Variants in SHISA9 observed in about 807,000 individuals in gnomAD.
SHISA9 encodes the protein shisa family member 9.
SHISA9 carries 13 observed loss-of-function variants against 38.0 expected under a neutral mutation model. The ratio of observed to expected loss-of-function variants is 0.34; its 90% CI spans 0.22 to 0.54. The LOEUF (loss-of-function observed/expected upper bound fraction) is 0.54. SHISA9 is among the 20% of genes least tolerant of loss of function. SHISA9 has a pLI of 0.91. For missense variants in SHISA9, 538 were observed against 575.8 expected (o/e 0.93, Z 0.67); for synonymous variants, 275 against 242.0 (o/e 1.14, Z -1.27).
At chr16:12,916,009 G>GC (rs1567337845) in intron 1 of SHISA9, among the ~76,000 whole-genome samples, 9 of 102,284 alleles carry the variant, frequency 8.8e-5, no homozygotes, top group African/African-American at 3.1e-4. Context: ...GTGTGTGTGT[G>GC]TGTTTTTTTT....
chr16:13,538,126 G>A, the SHISA9 span, among the ~76,000 whole-genome samples: 234 of 152,286 alleles, frequency 1.5e-3, 2 homozygotes, highest in African/African-American at 5.5e-3. Context: ...CTACTAGAAA[G>A]AGTAGTGAAA....
intron 2 of SHISA9, among the ~76,000 whole-genome samples, chr16:13,159,219 A>G (rs1250605127): frequency 6.6e-6 from 1 of 152,240 alleles, no homozygotes; most frequent in Non-Finnish European, 1.5e-5. Context: ...TGAAAGTTAC[A>G]TAAATTAACA....
intron 2 of SHISA9, among the ~76,000 whole-genome samples, chr16:13,183,779 T>C (rs1264524758): frequency 6.6e-6 from 1 of 152,222 alleles, no homozygotes; most frequent in Non-Finnish European, 1.5e-5. Context: ...ATCTAATTGC[T>C]CTCTTGGCTC....
chr16:13,062,795 G>A (rs577053972), intron 2 of SHISA9, among the ~76,000 whole-genome samples: 18 of 152,202 alleles, frequency 1.2e-4, no homozygotes, highest in African/African-American at 3.6e-4. Context: ...TTTTAAAACT[G>A]TTGCATTTGA....
At chr16:12,950,328 G>A (rs2071738304) in intron 2 of SHISA9, among the ~76,000 whole-genome samples, 1 of 152,102 alleles carries the variant, frequency 6.6e-6, no homozygotes, top group African/African-American at 2.4e-5. Context: ...TATAAACAAG[G>A]GAGTGCATAT....
chr16:13,005,286 T>C (rs1035115150), intron 2 of SHISA9, among the ~76,000 whole-genome samples: 2 of 152,156 alleles, frequency 1.3e-5, no homozygotes, highest in African/African-American at 4.8e-5. Context: ...CCTGGAGATT[T>C]AAATTTGAGA....
intron 4 of SHISA9, among the ~76,000 whole-genome samples, chr16:13,217,337 C>T (rs989596917): frequency 2.6e-5 from 4 of 152,162 alleles, no homozygotes; most frequent in Non-Finnish European, 5.9e-5. Context: ...AAGACACCAT[C>T]TCAAGACCAG....
the SHISA9 span, among the ~76,000 whole-genome samples, chr16:13,556,287 C>G: frequency 6.6e-6 from 1 of 152,166 alleles, no homozygotes. Context: ...GGTTATATGA[C>G]TTGCCCAAGT....
At chr16:12,950,090 G>C (rs938370616) in intron 2 of SHISA9, among the ~76,000 whole-genome samples, 1 of 151,928 alleles carries the variant, frequency 6.6e-6, no homozygotes, top group Non-Finnish European at 1.5e-5. Context: ...AACTTTTTTC[G>C]TTCCTACATA....
chr16:12,909,063 T>C, intron 1 of SHISA9: 1 of 994,840 alleles, frequency 1.0e-6, no homozygotes, highest in Non-Finnish European at 1.2e-6. Flanking sequence ...TATGCATTTG[T>C]GGTTATCCTA....
chr16:12,907,173 C>T (rs964789079), intron 1 of SHISA9, among the ~76,000 whole-genome samples: 1 of 120,866 alleles, frequency 8.3e-6, no homozygotes, highest in Non-Finnish European at 1.7e-5. Context: ...CTCCATCCCC[C>T]TTCCACCCTT....
chr16:13,479,076 A>G, the SHISA9 span, among the ~76,000 whole-genome samples: 2 of 152,208 alleles, frequency 1.3e-5, no homozygotes, highest in African/African-American at 4.8e-5. Flanking sequence ...TCCTACTGGA[A>G]GAATCCCATT....
the SHISA9 span, among the ~76,000 whole-genome samples, chr16:13,509,827 T>G: frequency 1.8e-4 from 28 of 152,204 alleles, no homozygotes; most frequent in Non-Finnish European, 2.9e-5. Context: ...GTGATACTGT[T>G]GTGAGCCAAG....
intron 1 of SHISA9, chr16:12,908,891 T>G: frequency 2.8e-6 from 3 of 1,052,986 alleles, no homozygotes; most frequent in Non-Finnish European, 2.3e-6. Flanking sequence ...CAAACAGAAT[T>G]GGAAATCCAA....
chr16:13,069,186 A>G (rs1329345396), intron 2 of SHISA9, among the ~76,000 whole-genome samples: 5 of 151,218 alleles, frequency 3.3e-5, no homozygotes, highest in South Asian at 2.1e-4. Flanking sequence ...CAATGTGTAT[A>G]TGTGTATACA....
At chr16:13,181,938 C>G (rs371752096) in intron 2 of SHISA9, among the ~76,000 whole-genome samples, 1 of 152,074 alleles carries the variant, frequency 6.6e-6, no homozygotes, top group Non-Finnish European at 1.5e-5. Context: ...GGAAATTCAA[C>G]AAAGGTTTTG....
At chr16:13,557,905 T>G in the SHISA9 span, among the ~76,000 whole-genome samples, 7 of 151,848 alleles carry the variant, frequency 4.6e-5, no homozygotes, top group Non-Finnish European at 8.8e-5. Context: ...CACCACAGGG[T>G]TTTCATTTTT....
chr16:13,121,517 A>C (rs2050210360), intron 2 of SHISA9, among the ~76,000 whole-genome samples: 1 of 152,200 alleles, frequency 6.6e-6, no homozygotes. Context: ...TTGTCTCTGC[A>C]TTCTGTGCAT....
chr16:12,970,681 G>T (rs961631265), intron 2 of SHISA9, among the ~76,000 whole-genome samples: 4 of 148,034 alleles, frequency 2.7e-5, no homozygotes, highest in African/African-American at 5.0e-5. Flanking sequence ...GGCTATTTTT[G>T]TTGTTGTTGT....
Sources: allele counts gnomAD v4.1 joint callset (sites outside exome capture counted in the v4.1 genomes callset), GRCh38; gene constraint gnomAD v4.1.1; transcripts MANE v1.5; gene names NCBI Gene and HGNC (gene_info 2026-07-23, HGNC 2026-07-21).